Variants in RANBP3 observed in about 807,000 individuals in gnomAD.
The protein encoded by RANBP3 is ran-binding protein 3.
In RANBP3, 14 loss-of-function variants were observed where a neutral mutation model predicts 77.3. The observed-to-expected ratio is 0.18, with a 90% CI of 0.12 to 0.28. The LOEUF (loss-of-function observed/expected upper bound fraction) is 0.28. Ranked by LOEUF, RANBP3 falls within the 10% of genes least tolerant of loss-of-function variation. RANBP3 has a pLI of 1.00. For synonymous variants in RANBP3, 315 were observed against 312.4 expected (o/e 1.01, Z -0.09); for missense variants, 586 against 752.3 (o/e 0.78, Z 2.59).
intron 9 of RANBP3, among the ~76,000 whole-genome samples, chr19:5,925,979 A>ACCTTGTTACAAAACCACG (rs1159802204): frequency 6.6e-6 from 1 of 152,116 alleles, no homozygotes; most frequent in Non-Finnish European, 1.5e-5. Flanking sequence ...AGCCTTTTCC[A>ACCTTGTTACAAAACCACG]CCTTGTTACA....
At chr19:5,960,215 C>T (rs1010701241) in intron 1 of RANBP3, among the ~76,000 whole-genome samples, 2 of 152,112 alleles carry the variant, frequency 1.3e-5, no homozygotes, top group Non-Finnish European at 2.9e-5. Context: ...GCTAACTCTG[C>T]CCCCAGACTT....
rs780698116 is a variant in RANBP3 at position 5,923,180 on chromosome 19, G to C, written c.1209+14C>G. ...GGAAGACCCAGGGCCACCGAGGAGG[G>C]GCCGGCCCCTCACCTGTAACACATT... On this transcript the variant is annotated intron_variant, in intron 13 of 16. Coordinates refer to ENST00000340578, the MANE Select transcript of RANBP3 (RefSeq NM_007322.3). 2 of 1,611,014 alleles carry C rather than the reference G, an allele frequency of 1.2e-6. No homozygotes were observed. The highest frequency in any genetic ancestry group is 2.2e-5 in the South Asian group (2 of 91,008).
At chr19:5,937,817 G>A (rs1361544939) in intron 5 of RANBP3, among the ~76,000 whole-genome samples, 1 of 152,164 alleles carries the variant, frequency 6.6e-6, no homozygotes, top group Non-Finnish European at 1.5e-5. Flanking sequence ...ACAGGAGGGA[G>A]GCCGTTGCTC....
chr19:5,942,753 C>T (rs1371089413), intron 3 of RANBP3, among the ~76,000 whole-genome samples: 1 of 150,618 alleles, frequency 6.6e-6, no homozygotes, highest in Admixed American at 6.6e-5. Flanking sequence ...GGTGCAGTGG[C>T]TCATGCCTGT....
intron 5 of RANBP3, among the ~76,000 whole-genome samples, chr19:5,937,477 C>T (rs939932703): frequency 3.9e-5 from 6 of 152,116 alleles, no homozygotes; most frequent in East Asian, 3.8e-4. Flanking sequence ...GACCTGTTCC[C>T]GATAAAAGTG....
At chr19:5,938,293 C>T (rs777779526) in intron 5 of RANBP3, among the ~76,000 whole-genome samples, 2 of 152,180 alleles carry the variant, frequency 1.3e-5, no homozygotes, top group African/African-American at 2.4e-5. Flanking sequence ...ATTTCAGCCA[C>T]GTGGGAGAAA....
At chr19:5,938,739 A>G (rs576383587) in intron 5 of RANBP3, among the ~76,000 whole-genome samples, 51 of 152,168 alleles carry the variant, frequency 3.4e-4, no homozygotes, top group Non-Finnish European at 6.6e-4. Context: ...ATATTTATCT[A>G]GGTAGGTCTG....
At chr19:5,964,663 G>C (rs1308821918) in intron 1 of RANBP3, among the ~76,000 whole-genome samples, 1 of 152,134 alleles carries the variant, frequency 6.6e-6, no homozygotes, top group Non-Finnish European at 1.5e-5. Flanking sequence ...TGTCTGGACA[G>C]AAGGACAAGC....
chr19:5,932,702 G>C (rs1319816167), intron 6 of RANBP3, 158 bp from the exon 7 acceptor site: 2 of 598,886 alleles, frequency 3.3e-6, no homozygotes, highest in East Asian at 2.8e-5. Context: ...TTAACAGCTG[G>C]CCAGGAGATC....
chr19:5,933,187 C>T (rs1410829980), intron 6 of RANBP3: 1 of 493,180 alleles, frequency 2.0e-6, no homozygotes, highest in Non-Finnish European at 3.6e-6. Context: ...AGCCTGCTCC[C>T]GTGCCACCAC....
chr19:5,976,261 C>T (rs2058589839), intron 1 of RANBP3: 1 of 152,136 alleles, frequency 6.6e-6, no homozygotes, highest in African/African-American at 2.4e-5. Context: ...TCTAGACTTA[C>T]CTATGACACA....
intron 3 of RANBP3, among the ~76,000 whole-genome samples, chr19:5,943,732 C>T (rs1037454388): frequency 6.6e-6 from 1 of 152,132 alleles, no homozygotes; most frequent in African/African-American, 2.4e-5. Flanking sequence ...AGGGACTGTA[C>T]GAGTGAGGGC....
intron 5 of RANBP3, 83 bp downstream of exon 5, chr19:5,941,538 G>C: frequency 8.1e-7 from 1 of 1,238,370 alleles, no homozygotes; most frequent in African/African-American, 1.5e-5. Context: ...GAAGGACACA[G>C]CAGACGGATG....
At position 5,959,471 on chromosome 19, in the gene RANBP3, C is replaced by T. The variant is rs544685199; in HGVS notation, c.23-1498G>A. Among the ~76,000 whole-genome samples, 4 of 152,166 alleles carry T rather than the reference C, an allele frequency of 2.6e-5. No homozygotes were observed. The highest frequency in any genetic ancestry group is 4.2e-4 in the South Asian group (2 of 4,818). ...CCCCCCACCATGCTCCCCGAAGCCT[C>T]GGCACACCAGGGTCTGATTCACCGT... On this transcript the variant is annotated intron_variant, in intron 1 of 16. Transcript: ENST00000340578. The surrounding 1 kb of genome is among the most constrained non-coding windows in gnomAD (Gnocchi z 5.1).
chr19:5,975,890 T>C (rs909344450), intron 1 of RANBP3, among the ~76,000 whole-genome samples: 1 of 151,266 alleles, frequency 6.6e-6, no homozygotes, highest in Non-Finnish European at 1.5e-5. Flanking sequence ...CAAGGAAAAC[T>C]GAAAAAGCCA....
Position 5,951,260 on chromosome 19 carries a change from T to C in RANBP3, c.282+133A>G. Reference sequence around the variant, plus strand: ...AATTAAAGCGAGCTGGAAGAAATCCTTGTCATCTTTTAAGTTACCATTAGC... The same window carrying C: ...AATTAAAGCGAGCTGGAAGAAATCCCTGTCATCTTTTAAGTTACCATTAGC... On this transcript the variant is annotated intron_variant, in intron 3 of 16. Coordinates refer to ENST00000340578, the MANE Select transcript of RANBP3 (RefSeq NM_007322.3). 10 of 866,452 alleles carry C rather than the reference T, an allele frequency of 1.2e-5. No homozygotes were observed. The South Asian group carries it at 1.5e-4, about 13-fold the overall frequency. 53.7% of individuals were successfully genotyped at this position (866,452 alleles called of 1,614,324 possible). A position where few individuals can be genotyped will look rare whatever the true frequency, so the allele number is the denominator to read the frequency against.
chr19:5,917,734 G>A (rs2057759930), intron 16 of RANBP3, 60 bp downstream of exon 16: 3 of 1,586,778 alleles, frequency 1.9e-6, no homozygotes, highest in Non-Finnish European at 2.6e-6. Context: ...GATCAGCACT[G>A]GATCAAGGAT....
chr19:5,934,802 T>C (rs959648579), intron 5 of RANBP3, among the ~76,000 whole-genome samples: 1 of 152,148 alleles, frequency 6.6e-6, no homozygotes, highest in Non-Finnish European at 1.5e-5. Context: ...ACCACTGCAC[T>C]CCAGCCTGGG....
At chr19:5,960,543 C>G (rs1011891208) in intron 1 of RANBP3, among the ~76,000 whole-genome samples, 8 of 152,142 alleles carry the variant, frequency 5.3e-5, no homozygotes, top group Non-Finnish European at 1.2e-4. Context: ...TACCCCATGG[C>G]CTGAGAACAG....
Sources: allele counts gnomAD v4.1 joint callset (sites outside exome capture counted in the v4.1 genomes callset), GRCh38; gene constraint gnomAD v4.1.1; non-coding constraint Gnocchi (gnomAD v3.1); transcripts MANE v1.5; gene names NCBI Gene and HGNC (gene_info 2026-07-23, HGNC 2026-07-21).